TSPAN12: variants seen among roughly 807,000 people sequenced by gnomAD.
The protein encoded by TSPAN12 is tetraspanin 12.
Under a neutral mutation model 39.2 loss-of-function variants are expected in TSPAN12, and 19 were observed. The observed-to-expected ratio is 0.49, with a 90% CI of 0.34 to 0.71. The LOEUF is 0.71. Among genes scored for constraint, TSPAN12 ranks in the 30% least tolerant of loss-of-function variants. The probability of loss-of-function intolerance (pLI) is 0.01; values close to 1 mark genes in which losing one functional copy is unlikely to be tolerated. For missense variants in TSPAN12, 314 were observed against 359.9 expected, an observed-to-expected ratio of 0.87 and a Z score of 1.03; for synonymous variants, 119 against 124.8, an observed-to-expected ratio of 0.95 and a Z score of 0.31.
At chr7:120,848,866 T>C (rs1199040314) in intron 2 of TSPAN12, among the ~76,000 whole-genome samples, 2 of 152,174 alleles carry the variant, frequency 1.3e-5, no homozygotes, top group East Asian at 1.9e-4. Flanking sequence ...AAAACAAATA[T>C]AGTGCATGCC....
At chr7:120,819,426 C>T (rs1193730810) in intron 4 of TSPAN12, among the ~76,000 whole-genome samples, 1 of 152,008 alleles carries the variant, frequency 6.6e-6, no homozygotes, top group East Asian at 1.9e-4. Flanking sequence ...TGGGAAAACT[C>T]CAAAATGACT....
At chr7:120,797,465 C>T (rs368188841) in intron 7 of TSPAN12, among the ~76,000 whole-genome samples, 9 of 152,264 alleles carry the variant, frequency 5.9e-5, no homozygotes, top group African/African-American at 2.2e-4. Context: ...GAGAGATAAA[C>T]TCCCAGCTTA....
rs1242995642 is a variant in TSPAN12 at position 120,806,634 on chromosome 7, C to G, written c.527G>C (p.Trp176Ser). The change falls in exon 7 of 8, where the codon TGG becomes TCG. Residue 176 changes from tryptophan to serine, a missense_variant. Transcript: ENST00000222747. ...TCTAACACAGCAGGAATCTGGGGGC[C>G]AGTCCATCTCTGTCATTTCCAACCA... The part of the protein sequence containing the change: ...TDWLEMTEMD[W>S]PPDSCCVREF... 1 of 1,613,550 alleles carries G rather than the reference C, an allele frequency of 6.2e-7. No homozygotes were observed. Among genetic ancestry groups the G allele is most frequent in the Non-Finnish European group, 8.5e-7 (1 of 1,179,648 alleles).
intron 5 of TSPAN12, chr7:120,814,012 C>T (rs962871373): frequency 9.4e-5 from 27 of 287,446 alleles, no homozygotes; most frequent in South Asian, 7.2e-4. Flanking sequence ...TACTTAGTGC[C>T]GTTGTACATT....
intron 4 of TSPAN12, among the ~76,000 whole-genome samples, chr7:120,816,237 C>T (rs940360013): frequency 2.6e-5 from 4 of 151,938 alleles, no homozygotes; most frequent in Non-Finnish European, 2.9e-5. Flanking sequence ...CCTTTGCATT[C>T]TTGGAAAAAG....
intron 4 of TSPAN12, among the ~76,000 whole-genome samples, chr7:120,827,929 A>G (rs1003267660): frequency 1.3e-5 from 2 of 152,144 alleles, no homozygotes; most frequent in Non-Finnish European, 2.9e-5. Flanking sequence ...TTGTTTCCCT[A>G]AACTCACCTT....
intron 7 of TSPAN12, among the ~76,000 whole-genome samples, chr7:120,799,577 A>C (rs1316881079): frequency 1.0e-5 from 1 of 96,452 alleles, no homozygotes; most frequent in Non-Finnish European, 2.0e-5. Flanking sequence ...TATTTATATA[A>C]TTATATGTAA....
intron 2 of TSPAN12, among the ~76,000 whole-genome samples, chr7:120,852,196 T>C (rs1181354313): frequency 2.6e-5 from 4 of 152,260 alleles, no homozygotes; most frequent in Admixed American, 6.5e-5. Flanking sequence ...TATTTTTTTT[T>C]CCCTAAAATC....
chr7:120,839,303 T>C (rs1309639211), intron 3 of TSPAN12, among the ~76,000 whole-genome samples: 3 of 152,196 alleles, frequency 2.0e-5, no homozygotes, highest in Non-Finnish European at 2.9e-5. Flanking sequence ...TTTGATCCCA[T>C]GTGCACTACG....
chr7:120,797,439 TCA>T (rs1162613381), intron 7 of TSPAN12, among the ~76,000 whole-genome samples: 1 of 152,218 alleles, frequency 6.6e-6, no homozygotes, highest in African/African-American at 2.4e-5. Context: ...ATAGACTAGG[TCA>T]TTGGTCTATG....
At chr7:120,815,620 A>T in intron 5 of TSPAN12, 109 bp downstream of exon 5, 1 of 988,370 alleles carries the variant, frequency 1.0e-6, no homozygotes, top group Non-Finnish European at 1.6e-6. Flanking sequence ...CAAATTACCC[A>T]GTCTTGGGCA....
At position 120,792,842 on chromosome 7, in the gene TSPAN12, G is replaced by GA. The variant is rs1158868806; in HGVS notation, c.613-3946dup. ...ATTTAAAATGTCCTGTTCTCTTAAA[G>GA]AAAAACAGTTATAAGACATGCAAAG... On this transcript the variant is annotated intron_variant, in intron 7 of 7. Coordinates refer to ENST00000222747, the MANE Select transcript of TSPAN12 (RefSeq NM_012338.4). Among the ~76,000 whole-genome samples the GA allele has an allele frequency of 3.9e-5, 6 of 152,308 alleles. No individual in the cohort carries two copies. The East Asian group carries it at 7.7e-4, about 20-fold the overall frequency.
intron 2 of TSPAN12, among the ~76,000 whole-genome samples, chr7:120,841,049 A>C (rs1054480607): frequency 9.9e-5 from 15 of 152,242 alleles, no homozygotes; most frequent in African/African-American, 2.9e-4. Flanking sequence ...AACTTCACAG[A>C]TTCTAACAGG....
At chr7:120,823,238 T>C (rs954412512) in intron 4 of TSPAN12, among the ~76,000 whole-genome samples, 2 of 151,946 alleles carry the variant, frequency 1.3e-5, no homozygotes, top group African/African-American at 4.8e-5. Flanking sequence ...TGATATCCTT[T>C]TACTACCTGA....
chr7:120,817,899 C>T (rs1794115322), intron 4 of TSPAN12, among the ~76,000 whole-genome samples: 1 of 152,062 alleles, frequency 6.6e-6, no homozygotes, highest in African/African-American at 2.4e-5. Context: ...TTGCATTCCT[C>T]ATCACATAAT....
intron 4 of TSPAN12, among the ~76,000 whole-genome samples, chr7:120,836,036 G>C (rs995303142): frequency 2.0e-5 from 3 of 152,184 alleles, no homozygotes; most frequent in African/African-American, 7.2e-5. Flanking sequence ...TTACCCAATA[G>C]GGAGTCTCTG....
intron 2 of TSPAN12, among the ~76,000 whole-genome samples, chr7:120,844,707 G>A (rs925539956): frequency 7.2e-5 from 11 of 152,336 alleles, no homozygotes; most frequent in South Asian, 4.1e-4. Flanking sequence ...CTGTGGTTCC[G>A]CAGGGTACAG....
chr7:120,815,617 C>G (rs1794064263), intron 5 of TSPAN12, 112 bp downstream of exon 5: 1 of 974,516 alleles, frequency 1.0e-6, no homozygotes, highest in Non-Finnish European at 1.6e-6. Context: ...TTACAAATTA[C>G]CCAGTCTTGG....
intron 2 of TSPAN12, among the ~76,000 whole-genome samples, chr7:120,847,855 A>C (rs1051387284): frequency 6.6e-6 from 1 of 152,102 alleles, no homozygotes; most frequent in Non-Finnish European, 1.5e-5. Flanking sequence ...TTCTTCTTCA[A>C]CTACCATTTA....
Sources: allele counts gnomAD v4.1 joint callset (sites outside exome capture counted in the v4.1 genomes callset), GRCh38; gene constraint gnomAD v4.1.1; transcripts MANE v1.5; gene names NCBI Gene and HGNC (gene_info 2026-07-23, HGNC 2026-07-21).